The following TENM2 variants were observed in gnomAD, a reference collection of about 807,000 sequenced individuals.
TENM2 encodes teneurin-2.
Under a neutral mutation model 245.2 loss-of-function variants are expected in TENM2, and 52 were observed. The observed-to-expected ratio is 0.21, with a 90% CI of 0.17 to 0.27. The LOEUF (loss-of-function observed/expected upper bound fraction) is 0.27, where lower values mean the gene tolerates loss of function less well. TENM2 is among the 10% of genes least tolerant of loss of function. The probability of loss-of-function intolerance (pLI) is 1.00; values close to 1 mark genes in which losing one functional copy is unlikely to be tolerated. For synonymous variants in TENM2, 1,363 were observed against 1,438.9 expected (o/e 0.95, Z 1.19); for missense variants, 3,046 against 3,666.8 (o/e 0.83, Z 4.37).
intron 2 of TENM2, among the ~76,000 whole-genome samples, chr5:167,508,225 A>G (rs1485196690): frequency 6.6e-6 from 1 of 152,162 alleles, no homozygotes; most frequent in African/African-American, 2.4e-5. Flanking sequence ...TTGGTGAATG[A>G]CATTAAAAAA....
intron 2 of TENM2, among the ~76,000 whole-genome samples, chr5:167,817,512 T>C (rs1390225938): frequency 6.6e-6 from 1 of 152,210 alleles, no homozygotes; most frequent in African/African-American, 2.4e-5. Flanking sequence ...AAGTATTGCT[T>C]TTCTTACTCA....
intron 2 of TENM2, among the ~76,000 whole-genome samples, chr5:167,459,911 AACACACACACACACAC>A (rs57053799): frequency 3.3e-5 from 5 of 149,682 alleles, no homozygotes; most frequent in South Asian, 2.1e-4. Context: ...TATAAAGATA[AACACACACACACACAC>A]ACACACACGC....
intron 1 of TENM2, among the ~76,000 whole-genome samples, chr5:167,358,798 G>T (rs1759508926): frequency 7.8e-6 from 1 of 127,518 alleles, no homozygotes; most frequent in Non-Finnish European, 1.6e-5. Context: ...CTGAAATTCT[G>T]ATCTGCACAC....
At chr5:167,881,086 A>G in intron 3 of TENM2, among the ~76,000 whole-genome samples, 1 of 152,194 alleles carries the variant, frequency 6.6e-6, no homozygotes, top group African/African-American at 2.4e-5. Context: ...GGAAGAAGTC[A>G]ATATTTTTAA....
At chr5:168,042,344 C>T (rs1032043514) in intron 5 of TENM2, among the ~76,000 whole-genome samples, 18 of 152,166 alleles carry the variant, frequency 1.2e-4, no homozygotes, top group African/African-American at 3.9e-4. Context: ...GCTCGGCAAA[C>T]ACAGAGCATC....
chr5:168,003,859 C>T (rs966090251), intron 5 of TENM2, among the ~76,000 whole-genome samples: 1 of 152,180 alleles, frequency 6.6e-6, no homozygotes, highest in African/African-American at 2.4e-5. Context: ...TAATGTCGAA[C>T]ATCAATCTAT....
In TENM2 at chr5:167,611,907, A is replaced by G. The variant is rs372031903; in HGVS notation, c.502+236434A>G. ...CACATTTGGGACTAGGTTTTAACAT[A>G]TGAATTTTGGCGAGACACATTCAGA... On this transcript the variant is annotated intron_variant, in intron 2 of 28. Coordinates refer to ENST00000518659, the Ensembl canonical transcript of TENM2. Among the ~76,000 whole-genome samples, 298 of 152,196 alleles carry G rather than the reference A, an allele frequency of 2.0e-3. 15 individuals are homozygous for G. In the South Asian group the frequency reaches 0.06, roughly 31 times the overall value.
chr5:167,541,237 C>T, intron 2 of TENM2, among the ~76,000 whole-genome samples: 1 of 152,062 alleles, frequency 6.6e-6, no homozygotes, highest in East Asian at 1.9e-4. Flanking sequence ...TGATGTTGTT[C>T]TTATTTTTTC....
chr5:167,171,708 C>T, the TENM2 span, among the ~76,000 whole-genome samples: 16 of 152,124 alleles, frequency 1.1e-4, no homozygotes, highest in Non-Finnish European at 1.8e-4. Flanking sequence ...ACCGTGAAGA[C>T]CCAAGGGAGA....
the TENM2 span, among the ~76,000 whole-genome samples, chr5:167,067,747 C>G: frequency 1.3e-5 from 2 of 152,156 alleles, no homozygotes; most frequent in African/African-American, 4.8e-5. Context: ...CGACAGTTCT[C>G]TAATGTATTG....
intron 2 of TENM2, among the ~76,000 whole-genome samples, chr5:167,608,839 C>T (rs957128803): frequency 6.6e-5 from 10 of 152,112 alleles, no homozygotes; most frequent in African/African-American, 2.4e-4. Context: ...AGATGGGACA[C>T]CCAAACGCCT....
the TENM2 span, among the ~76,000 whole-genome samples, chr5:167,048,479 C>T: frequency 2.6e-5 from 4 of 152,152 alleles, no homozygotes; most frequent in Admixed American, 6.5e-5. Context: ...TTGGTCACAC[C>T]GCACATACAC....
At chr5:167,669,861 G>GA (rs1755819816) in intron 2 of TENM2, among the ~76,000 whole-genome samples, 1 of 124,780 alleles carries the variant, frequency 8.0e-6, no homozygotes, top group South Asian at 2.9e-4. Context: ...CCACTTTTGA[G>GA]GTTTTTTTTT....
chr5:168,119,871 C>A lies in TENM2; in HGVS notation c.2008+1385C>A, dbSNP rs1212287764. ...CCCAAGATATCCCCATAGAAAAGAT[C>A]CTGTTGGATGCCATATGCATTCTGT... On this transcript the variant is annotated intron_variant, in intron 10 of 28. Transcript: ENST00000518659. 2.6e-5 allele frequency among the ~76,000 whole-genome samples: 4 copies of A among 152,222 alleles called. No individual in the cohort carries two copies. The East Asian group carries it at 5.8e-4, about 22-fold the overall frequency.
At chr5:168,161,167 G>A (rs1174033237) in intron 12 of TENM2, among the ~76,000 whole-genome samples, 1 of 152,206 alleles carries the variant, frequency 6.6e-6, no homozygotes, top group Non-Finnish European at 1.5e-5. Context: ...GCATGCTTTT[G>A]ATCCACAAGA....
chr5:167,239,344 C>G, the TENM2 span, among the ~76,000 whole-genome samples: 1 of 152,178 alleles, frequency 6.6e-6, no homozygotes, highest in Non-Finnish European at 1.5e-5. Context: ...CTTCCAACTC[C>G]AGTGCTATGT....
intron 1 of TENM2, among the ~76,000 whole-genome samples, chr5:167,307,353 C>T (rs1755739552): frequency 6.6e-6 from 1 of 152,056 alleles, no homozygotes; most frequent in African/African-American, 2.4e-5. Flanking sequence ...GTGATTTATT[C>T]TATTATACTG....
intron 1 of TENM2, among the ~76,000 whole-genome samples, chr5:167,362,382 C>T (rs1230243011): frequency 2.6e-5 from 4 of 152,150 alleles, no homozygotes; most frequent in African/African-American, 9.7e-5. Flanking sequence ...ATTAACATTT[C>T]CCCTCAAATA....
chr5:167,644,987 A>T (rs1779840045), intron 2 of TENM2, among the ~76,000 whole-genome samples: 1 of 152,218 alleles, frequency 6.6e-6, no homozygotes, highest in South Asian at 2.1e-4. Context: ...ACACCTGTAC[A>T]GCATGTTATT....
Sources: gnomAD v4.1 joint callset for allele counts (sites outside exome capture counted in the v4.1 genomes callset) on GRCh38, gnomAD v4.1.1 for gene constraint, MANE v1.5 for transcripts, NCBI Gene and HGNC (gene_info 2026-07-23, HGNC 2026-07-21) for gene names.